The following ADGRB3 variants were observed in gnomAD, a reference collection of about 807,000 sequenced individuals.
ADGRB3 encodes the protein adhesion G protein-coupled receptor B3, also known as brain-specific angiogenesis inhibitor 3.
In ADGRB3, 37 loss-of-function variants were observed where a neutral mutation model predicts 193.4. The observed-to-expected ratio is 0.19, with a 90% CI of 0.15 to 0.25. The LOEUF (loss-of-function observed/expected upper bound fraction) is 0.25. Among genes scored for constraint, ADGRB3 ranks in the 10% least tolerant of loss-of-function variants. ADGRB3 has a pLI of 1.00. For missense variants in ADGRB3, 1,637 were observed against 1,852.9 expected (o/e 0.88, Z 2.14); for synonymous variants, 690 against 644.2 (o/e 1.07, Z -1.08).
intron 3 of ADGRB3, among the ~76,000 whole-genome samples, chr6:68,705,357 TACTTG>T (rs1392301619): frequency 6.6e-5 from 10 of 152,254 alleles, no homozygotes; most frequent in African/African-American, 1.7e-4. Context: ...TAAATTGGAA[TACTTG>T]ACTTAAGTTC....
At chr6:69,019,804 T>C (rs1770208494) in intron 13 of ADGRB3, among the ~76,000 whole-genome samples, 1 of 151,976 alleles carries the variant, frequency 6.6e-6, no homozygotes, top group African/African-American at 2.4e-5. Flanking sequence ...TGTACCTTCT[T>C]ATGGACAATT....
intron 3 of ADGRB3, among the ~76,000 whole-genome samples, chr6:68,832,331 T>G (rs2127384276): frequency 6.6e-6 from 1 of 152,274 alleles, no homozygotes; most frequent in South Asian, 2.1e-4. Context: ...AAAAAGTATG[T>G]CATAGTCTTA....
At chr6:69,230,673 T>A (rs908358639) in intron 17 of ADGRB3, among the ~76,000 whole-genome samples, 4 of 152,234 alleles carry the variant, frequency 2.6e-5, no homozygotes, top group African/African-American at 9.6e-5. Context: ...TGAAACAATA[T>A]AAATTTTATC....
chr6:69,094,853 C>G (rs769653371), intron 17 of ADGRB3, among the ~76,000 whole-genome samples: 3 of 152,098 alleles, frequency 2.0e-5, no homozygotes, highest in Non-Finnish European at 4.4e-5. Context: ...ATGCAAAGAT[C>G]AACCATTTCT....
At chr6:68,817,910 G>T (rs1036267002) in intron 3 of ADGRB3, among the ~76,000 whole-genome samples, 1 of 152,002 alleles carries the variant, frequency 6.6e-6, no homozygotes, top group Non-Finnish European at 1.5e-5. Context: ...TGTGTTCATA[G>T]TTTACATATT....
chr6:68,851,934 T>C (rs1768411112), intron 3 of ADGRB3, among the ~76,000 whole-genome samples: 1 of 151,864 alleles, frequency 6.6e-6, no homozygotes, highest in Non-Finnish European at 1.5e-5. Flanking sequence ...CATGAAATCA[T>C]AGGCAATTTA....
intron 3 of ADGRB3, among the ~76,000 whole-genome samples, chr6:68,924,229 CT>C (rs1301751010): frequency 6.6e-6 from 1 of 152,000 alleles, no homozygotes; most frequent in Non-Finnish European, 1.5e-5. Context: ...CAAATAATTC[CT>C]GCCTGATTAC....
intron 20 of ADGRB3, among the ~76,000 whole-genome samples, chr6:69,295,939 T>A (rs1302172569): frequency 6.6e-6 from 1 of 152,180 alleles, no homozygotes. Context: ...AATATGTCTA[T>A]GAATCAGGAA....
At chr6:68,969,953 GC>G (rs1176777393) in intron 8 of ADGRB3, among the ~76,000 whole-genome samples, 4 of 152,092 alleles carry the variant, frequency 2.6e-5, no homozygotes, top group African/African-American at 9.7e-5. Flanking sequence ...TCTAATCATG[GC>G]CTCTCTCACC....
At chr6:68,889,157 A>G (rs1046440299) in intron 3 of ADGRB3, among the ~76,000 whole-genome samples, 3 of 152,246 alleles carry the variant, frequency 2.0e-5, no homozygotes, top group African/African-American at 7.2e-5. Flanking sequence ...AAATTTTAAG[A>G]ATAACATTTC....
intron 20 of ADGRB3, among the ~76,000 whole-genome samples, chr6:69,252,065 C>T (rs1463089074): frequency 2.0e-5 from 3 of 152,084 alleles, no homozygotes; most frequent in Non-Finnish European, 2.9e-5. Context: ...CCAGTCAATC[C>T]CCATCCCCTC....
At chr6:68,648,406 G>C (rs1298643399) in intron 3 of ADGRB3, among the ~76,000 whole-genome samples, 1 of 151,004 alleles carries the variant, frequency 6.6e-6, no homozygotes, top group South Asian at 2.1e-4. Context: ...ACTTAATCCT[G>C]GATAAATATT....
At chr6:68,926,278 T>A (rs1767178072) in intron 3 of ADGRB3, among the ~76,000 whole-genome samples, 1 of 152,092 alleles carries the variant, frequency 6.6e-6, no homozygotes, top group African/African-American at 2.4e-5. Flanking sequence ...AGTAAGACAA[T>A]CTAATAATTA....
chr6:69,124,047 T>C (rs1446997751), intron 17 of ADGRB3, among the ~76,000 whole-genome samples: 1 of 152,080 alleles, frequency 6.6e-6, no homozygotes, highest in Non-Finnish European at 1.5e-5. Context: ...CTATAAACAT[T>C]AGAGGCATCA....
intron 26 of ADGRB3, among the ~76,000 whole-genome samples, chr6:69,344,006 A>C (rs1283723205): frequency 1.3e-5 from 2 of 152,236 alleles, no homozygotes; most frequent in African/African-American, 2.4e-5. Context: ...TACTGTTGCT[A>C]GGAAACCACT....
At chr6:68,849,793 T>TA (rs1347262318) in intron 3 of ADGRB3, among the ~76,000 whole-genome samples, 1 of 151,934 alleles carries the variant, frequency 6.6e-6, no homozygotes, top group African/African-American at 2.4e-5. Context: ...AAATAATTTA[T>TA]AATAGGGGAA....
chr6:68,861,225 A>G (rs1213469341), intron 3 of ADGRB3, among the ~76,000 whole-genome samples: 6 of 152,138 alleles, frequency 3.9e-5, no homozygotes, highest in Non-Finnish European at 5.9e-5. Context: ...CCTGGCCTCT[A>G]TAATCCACCT....
At chr6:68,949,840 G>T (rs1006198999) in intron 6 of ADGRB3, among the ~76,000 whole-genome samples, 3 of 151,764 alleles carry the variant, frequency 2.0e-5, no homozygotes, top group Non-Finnish European at 4.4e-5. Flanking sequence ...ATTAATTTTG[G>T]CTTGCTTTCT....
intron 3 of ADGRB3, among the ~76,000 whole-genome samples, chr6:68,679,164 A>G (rs868825946): frequency 1.3e-5 from 2 of 152,326 alleles, no homozygotes; most frequent in South Asian, 4.1e-4. Context: ...TCAAGTCTAG[A>G]CAAAAAAAAT....
Sources: allele counts gnomAD v4.1 joint callset (sites outside exome capture counted in the v4.1 genomes callset), GRCh38; gene constraint gnomAD v4.1.1; transcripts MANE v1.5; gene names NCBI Gene and HGNC (gene_info 2026-07-23, HGNC 2026-07-21).